The following GPN1 variants were observed in gnomAD, a reference collection of about 807,000 sequenced individuals.
The protein encoded by GPN1 is GPN-loop GTPase 1.
A neutral mutation model predicts 55.9 loss-of-function variants in GPN1; 44 were observed. The observed-to-expected ratio is 0.79, with a 90% CI of 0.62 to 1.01. The LOEUF is 1.01. Among genes scored for constraint, GPN1 ranks in the 50% least tolerant of loss-of-function variants. The pLI is 0.00. For missense variants in GPN1, 466 were observed against 462.8 expected, an observed-to-expected ratio of 1.01 and a Z score of -0.06; for synonymous variants, 179 against 162.5, an observed-to-expected ratio of 1.10 and a Z score of -0.77.
At chr2:27,647,775 C>G (rs548832491) in intron 12 of GPN1, 61 bp from the exon 13 acceptor site, 1 of 934,798 alleles carries the variant, frequency 1.1e-6, no homozygotes, top group East Asian at 2.4e-5. Context: ...ATCATAGTTA[C>G]TTAGTGATTC....
At chr2:27,633,844 C>T (rs1673636945) in intron 5 of GPN1, among the ~76,000 whole-genome samples, 1 of 151,448 alleles carries the variant, frequency 6.6e-6, no homozygotes. Flanking sequence ...AAAGTTCACT[C>T]GTTTAAAGTG....
In GPN1 at chr2:27,631,881, T is replaced by G. The variant is rs1190377334; in HGVS notation, c.293T>G (p.Phe98Cys). ...NGGIVTSLNL[F>C]ATRFDQVMKF... ...GGCATAGTGACCTCACTCAATCTCT[T>G]TGCTACCAGATTTGATCAGGTATAT... Residue 98 changes from phenylalanine to cysteine, a missense_variant, in exon 4 of 14, where the codon TTT (phenylalanine) becomes TGT (cysteine). Phe to Cys is a radical substitution (Grantham distance 205). Coordinates refer to ENST00000610189, the MANE Select transcript of GPN1 (RefSeq NM_007266.4). The G allele has an allele frequency of 6.3e-7, 1 of 1,594,600 alleles. No homozygotes were observed. Among genetic ancestry groups the G allele is most frequent in the East Asian group, 2.2e-5 (1 of 44,822 alleles).
chr2:27,650,067 T>C (rs1251532235), intron 13 of GPN1, 48 bp from the exon 14 acceptor site: 1 of 1,015,196 alleles, frequency 9.9e-7, no homozygotes, highest in East Asian at 2.4e-5. Flanking sequence ...CTCTAATCAG[T>C]TTGTCTAATG....
At chr2:27,649,107 T>C (rs1674384589) in intron 13 of GPN1, among the ~76,000 whole-genome samples, 1 of 151,852 alleles carries the variant, frequency 6.6e-6, no homozygotes, top group South Asian at 2.1e-4. Context: ...TAGCTGGGCT[T>C]GGTGGCAGGC....
At chr2:27,640,560 G>C (rs1364432940) in intron 10 of GPN1, among the ~76,000 whole-genome samples, 1 of 152,232 alleles carries the variant, frequency 6.6e-6, no homozygotes, top group Admixed American at 6.5e-5. Flanking sequence ...TTGTTGTGAA[G>C]ATTGAGAAAA....
In GPN1 at chr2:27,650,376, C is replaced by T. The variant is rs976179855; in HGVS notation, c.*176C>T. On this transcript the variant is annotated 3_prime_UTR_variant, in exon 14 of 14. Coordinates refer to ENST00000610189, the MANE Select transcript of GPN1 (RefSeq NM_007266.4). ...TCAGATGAAGTCAGGGATAGAAGACCCTTGGACCTGGCAGGTTAATGCTGA... is the reference window on the plus strand; with the variant it reads ...TCAGATGAAGTCAGGGATAGAAGACTCTTGGACCTGGCAGGTTAATGCTGA... 1 of 475,954 alleles carries T rather than the reference C, an allele frequency of 2.1e-6. No homozygotes were observed. The highest frequency in any genetic ancestry group is 3.8e-6 in the Non-Finnish European group (1 of 263,208). The allele number at this position is 475,954 out of a possible 1,614,324, so 29.5% of individuals were successfully genotyped here. A position where few individuals can be genotyped will look rare whatever the true frequency, so the allele number is the denominator to read the frequency against.
chr2:27,648,067 AAG>A (rs1199930846), intron 13 of GPN1, 124 bp downstream of exon 13: 3 of 642,920 alleles, frequency 4.7e-6, no homozygotes, highest in Non-Finnish European at 8.5e-6. Context: ...AGCACCAGAA[AAG>A]AGTTTCCTAT....
intron 3 of GPN1, chr2:27,631,385 A>T (rs932798078): frequency 2.0e-5 from 9 of 445,884 alleles, no homozygotes; most frequent in African/African-American, 6.0e-5. Flanking sequence ...AGACTGGGAA[A>T]CTCAGAAATG....
rs773725508 is a variant in GPN1 at position 27,642,453 on chromosome 2, A to G, written c.865A>G (p.Arg289Gly). ...GGCCAACGCAGAGAGCCAACAGCAG[A>G]GAGAACAACTGGAACGCCTTCGAAA... ...SLANAESQQQ[R>G]EQLERLRKDM... is the part of the protein sequence containing the mutation. The change falls in exon 12 of 14, where the codon AGA becomes GGA. Residue 289 changes from arginine to glycine, a missense_variant. Physicochemically the swap from Arg to Gly is moderately radical, Grantham distance 125. Transcript: ENST00000610189. The G allele has an allele frequency of 2.5e-6, 4 of 1,613,332 alleles. 1 individual carries two copies. The South Asian group carries it at 3.3e-5, about 13-fold the overall frequency.
chr2:27,646,322 A>G (rs1674228409), intron 12 of GPN1, among the ~76,000 whole-genome samples: 1 of 152,186 alleles, frequency 6.6e-6, no homozygotes, highest in Admixed American at 6.5e-5. Flanking sequence ...GATTACAGGC[A>G]TGAGCCACCA....
chr2:27,647,861 T>C lies in GPN1; in HGVS notation c.957T>C (p.Pro319=). ...AKDSLSPVLH[P]SDLILTRGTL... is the part of the protein sequence containing the mutation. ...ACAGCTTATCTCCTGTGCTGCACCC[T>C]TCTGATTTGATCCTGACTCGAGGAA... Residue 319 remains proline (P), a synonymous_variant, in exon 13 of 14, where the codon CCT becomes CCC. Transcript: ENST00000610189. 1 of 1,612,768 alleles carries C rather than the reference T, an allele frequency of 6.2e-7. No homozygotes were observed. The highest frequency in any genetic ancestry group is 8.5e-7 in the Non-Finnish European group (1 of 1,178,764).
chr2:27,650,254 C>G lies in GPN1; in HGVS notation c.*54C>G. 1.0e-6 allele frequency: 1 copy of G among 991,908 alleles called. No individual in the cohort carries two copies. Among genetic ancestry groups the G allele is most frequent in the South Asian group, 1.3e-5 (1 of 75,954 alleles). The allele number at this position is 991,908 out of a possible 1,614,324, so 61.4% of individuals were successfully genotyped here. A position where few individuals can be genotyped will look rare whatever the true frequency, so the allele number is the denominator to read the frequency against. ...AGAAGTCCAGAATTTTGGACCTCCA[C>G]GTGAAAGAACTGTTCTTACCTCTGA... On this transcript the variant is annotated 3_prime_UTR_variant, in exon 14 of 14. Coordinates refer to ENST00000610189, the MANE Select transcript of GPN1 (RefSeq NM_007266.4).
intron 13 of GPN1, among the ~76,000 whole-genome samples, chr2:27,648,438 G>A (rs761630077): frequency 2.0e-5 from 3 of 152,176 alleles, no homozygotes; most frequent in African/African-American, 4.8e-5. Flanking sequence ...TGGGTTGCTT[G>A]AGCCCAGAAG....
At chr2:27,645,530 T>C (rs1278983261) in intron 12 of GPN1, among the ~76,000 whole-genome samples, 1 of 152,176 alleles carries the variant, frequency 6.6e-6, no homozygotes, top group Non-Finnish European at 1.5e-5. Flanking sequence ...GACATCTCTA[T>C]GATGTTCAGT....
At chr2:27,644,073 G>C (rs763597829) in intron 12 of GPN1, among the ~76,000 whole-genome samples, 1 of 152,062 alleles carries the variant, frequency 6.6e-6, no homozygotes, top group Non-Finnish European at 1.5e-5. Context: ...CCAGCTACTC[G>C]CTGAGGCTGG....
At chr2:27,645,405 G>A (rs1558492162) in intron 12 of GPN1, among the ~76,000 whole-genome samples, 1 of 152,062 alleles carries the variant, frequency 6.6e-6, no homozygotes. Context: ...TTATTTGGCT[G>A]TCCTTACATG....
At chr2:27,629,358 C>T in intron 1 of GPN1, 189 bp downstream of exon 1, 3 of 1,547,016 alleles carry the variant, frequency 1.9e-6, no homozygotes, top group Non-Finnish European at 2.6e-6. Flanking sequence ...TTAAGGCTCT[C>T]TTCTGCGCAC....
At chr2:27,628,984 G>C, upstream of GPN1, 2 of 1,588,244 alleles carry the variant, frequency 1.3e-6, no homozygotes, top group East Asian at 2.2e-5. Flanking sequence ...GTTTTCGTTC[G>C]CAGCCCAGAA....
chr2:27,636,042 C>T (rs536420820), intron 7 of GPN1, among the ~76,000 whole-genome samples: 77 of 152,174 alleles, frequency 5.1e-4, no homozygotes, highest in African/African-American at 1.7e-3. Flanking sequence ...TGGTGAAACC[C>T]CATCTCTACA....
Sources: allele counts gnomAD v4.1 joint callset (sites outside exome capture counted in the v4.1 genomes callset), GRCh38; gene constraint gnomAD v4.1.1; transcripts MANE v1.5; gene names NCBI Gene and HGNC (gene_info 2026-07-23, HGNC 2026-07-21).